Variants in WBP2NL observed in about 807,000 individuals in gnomAD.
The protein encoded by WBP2NL is WBP2 N-terminal like, also known as postacrosomal sheath WW domain-binding protein.
Under a neutral mutation model 23.3 loss-of-function variants are expected in WBP2NL, and 27 were observed. The observed-to-expected ratio is 1.16, with a 90% CI of 0.85 to 1.60. The LOEUF (loss-of-function observed/expected upper bound fraction) is 1.60, where lower values mean the gene tolerates loss of function less well. Among genes scored for constraint, WBP2NL ranks in the 40% most tolerant of loss-of-function variants. The pLI, the probability that WBP2NL is intolerant of heterozygous loss-of-function variation, is 0.00. For missense variants in WBP2NL, 370 were observed against 389.5 expected, an observed-to-expected ratio of 0.95 and a Z score of 0.42; for synonymous variants, 151 against 145.9, an observed-to-expected ratio of 1.03 and a Z score of -0.25.
Position 42,022,451 on chromosome 22 carries a change from G to C in WBP2NL, c.514+95G>C. The C allele has an allele frequency of 2.7e-6, 3 of 1,131,026 alleles. No individual in the cohort carries two copies. The South Asian group carries it at 4.5e-5, about 17-fold the overall frequency. 70.1% of individuals were successfully genotyped at this position (1,131,026 alleles called of 1,614,324 possible). ...TGCAGGCTTGCTCCCTGCAGGAGCA[G>C]CAGCAGAGCTTTAGGGGCTTGGAAA... On this transcript the variant is annotated intron_variant, in intron 5 of 5. Transcript: ENST00000328823.
intron 4 of WBP2NL, among the ~76,000 whole-genome samples, chr22:42,020,903 T>C (rs1923900039): frequency 1.7e-5 from 1 of 58,856 alleles, no homozygotes; most frequent in Non-Finnish European, 3.3e-5. Context: ...TATATATATA[T>C]ATATATTTTT....
intron 5 of WBP2NL, among the ~76,000 whole-genome samples, chr22:42,024,803 C>CTT (rs133345): frequency 1.6e-5 from 2 of 124,882 alleles, no homozygotes; most frequent in Non-Finnish European, 3.4e-5. Context: ...TTGATAATGA[C>CTT]TTTTTTTTTT....
chr22:42,005,252 G>A (rs1198694715), intron 1 of WBP2NL, among the ~76,000 whole-genome samples: 4 of 151,800 alleles, frequency 2.6e-5, no homozygotes, highest in East Asian at 3.9e-4. Flanking sequence ...GGTGGCTCAC[G>A]CCTGTAATCC....
rs557239320 is a variant in WBP2NL, at chr22:42,003,570, A to G, written c.62+4690A>G. 6 of 152,334 alleles carry G rather than the reference A, an allele frequency of 3.9e-5. No homozygotes were observed. In the South Asian group the frequency reaches 1.2e-3, roughly 32 times the overall value. 9.4% of individuals were successfully genotyped at this position (152,334 alleles called of 1,614,324 possible). On this transcript the variant is annotated intron_variant, in intron 1 of 5. Transcript: ENST00000328823. ...AAAAAAGAAAAATCCGAATAAAGCAAGTTTGTACTTTGTATACAAATAAAA... is the reference window on the plus strand; with the variant it reads ...AAAAAAGAAAAATCCGAATAAAGCAGGTTTGTACTTTGTATACAAATAAAA...
In WBP2NL at chr22:42,019,322, G is replaced by A. The variant is rs137953119; in HGVS notation, c.74G>A (p.Arg25Gln). ...LIPNGESLLKRSPNVELSFPQ... is the reference protein window; with the variant it reads ...LIPNGESLLKQSPNVELSFPQ... ...CTCATTTTCTACAGTCTCTTGAAGC[G>A]GTCTCCGAATGTGGAGCTCTCCTTC... The change falls in exon 2 of 6, where the codon CGG becomes CAG. Residue 25 changes from arginine to glutamine, a missense_variant. Arg to Gln is a conservative substitution (Grantham distance 43). Coordinates refer to ENST00000328823, the MANE Select transcript of WBP2NL (RefSeq NM_152613.3). The A allele has an allele frequency of 2.9e-4, 471 of 1,613,772 alleles. No individual in the cohort carries two copies. Among genetic ancestry groups the A allele is most frequent in the Admixed American group, 9.3e-4 (56 of 59,942 alleles).
chr22:42,003,158 CA>C (rs133311), intron 1 of WBP2NL: 42,339 of 139,906 alleles, frequency 0.3, 6,420 homozygotes, highest in Admixed American at 0.38. Flanking sequence ...AACTCCATCT[CA>C]AAAAAAAAAA....
chr22:42,019,002 C>T (rs1325296845), intron 1 of WBP2NL, among the ~76,000 whole-genome samples: 1 of 150,994 alleles, frequency 6.6e-6, no homozygotes, highest in East Asian at 1.9e-4. Context: ...GCGGGCGGAT[C>T]ACAAGGTCAG....
chr22:42,004,814 C>T (rs1005053228), intron 1 of WBP2NL, among the ~76,000 whole-genome samples: 1 of 152,070 alleles, frequency 6.6e-6, no homozygotes, highest in Non-Finnish European at 1.5e-5. Context: ...ATCCCAACTA[C>T]TCGGGAGGCC....
chr22:42,016,096 C>T (rs1456623117), intron 1 of WBP2NL, among the ~76,000 whole-genome samples: 1 of 152,086 alleles, frequency 6.6e-6, no homozygotes, highest in Non-Finnish European at 1.5e-5. Context: ...ATTCTCCTGC[C>T]TCAGCCTCCC....
In WBP2NL at chr22:42,057,889, A is replaced by G. The variant is rs1569456225; in HGVS notation, c.*274-401A>G. ...TGTATGTATATATATATATATATAT[A>G]TATATATATATATTTTTTTTTTTTT... On this transcript the variant is annotated intron_variant and NMD_transcript_variant, in intron 8 of 8. Transcript: ENST00000436265. 2.2e-3 allele frequency among the ~76,000 whole-genome samples: 45 copies of G among 20,348 alleles called. 1 individual carries two copies. Among genetic ancestry groups the G allele is most frequent in the African/African-American group, 8.6e-3 (44 of 5,110 alleles). 13.3% of individuals were successfully genotyped at this position (20,348 alleles called of 152,430 possible).
At chr22:42,053,097 G>A (rs750772052) in intron 8 of WBP2NL, among the ~76,000 whole-genome samples, 12 of 152,172 alleles carry the variant, frequency 7.9e-5, no homozygotes, top group African/African-American at 1.2e-4. Flanking sequence ...TACAATGCAT[G>A]TACTTTTGTG....
At chr22:42,008,096 CCTTTCCTTTCCTTTCCTTTCCTTTG>C (rs768754673) in intron 1 of WBP2NL, among the ~76,000 whole-genome samples, 5,698 of 125,816 alleles carry the variant, frequency 0.045, 235 homozygotes, top group Non-Finnish European at 0.071. Context: ...CTCTTCCTTT[CCTTTCCTTTCCTTTCCTTTCCTTTG>C]CTTTCCTTTC....
chr22:42,028,182 T>C lies in WBP2NL; in HGVS notation c.*1001T>C. ...GGAAATATATGAATAGGCTATGGTA[T>C]GCCCATACTACGTATGCAGAAATTT... On this transcript the variant is annotated 3_prime_UTR_variant, in exon 6 of 6. Transcript: ENST00000328823. The C allele has an allele frequency of 2.5e-6, 1 of 398,100 alleles. No individual in the cohort carries two copies. The allele number at this position is 398,100 out of a possible 1,614,324, so 24.7% of individuals were successfully genotyped here.
chr22:42,009,403 A>G (rs1922601770), intron 1 of WBP2NL, among the ~76,000 whole-genome samples: 2 of 152,108 alleles, frequency 1.3e-5, no homozygotes, highest in Admixed American at 1.3e-4. Context: ...AATGTCACGA[A>G]GATTTTCAGT....
At chr22:42,039,951 C>T (rs1367493924) in intron 8 of WBP2NL, among the ~76,000 whole-genome samples, 2 of 148,746 alleles carry the variant, frequency 1.3e-5, no homozygotes, top group Admixed American at 6.7e-5. Flanking sequence ...TGTTTTGTTA[C>T]CCAGAGCTGG....
rs537599590 is a variant in WBP2NL, at chr22:42,026,915, C to G, written c.664C>G (p.Leu222Val). The G allele has an allele frequency of 6.2e-7, 1 of 1,611,194 alleles. No individual in the cohort carries two copies. The highest frequency in any genetic ancestry group is 8.5e-7 in the Non-Finnish European group (1 of 1,179,264). Residue 222 changes from leucine to valine, a missense_variant, in exon 6 of 6, where the codon CTT becomes GTT. By Grantham distance (32) the Leu-to-Val change is conservative. Coordinates refer to ENST00000328823, the MANE Select transcript of WBP2NL (RefSeq NM_152613.3). ...ACCTGTGCGATATGGAGCCCCACCT[C>G]TTGGATACGGAGCCCCACCTGCAGG... The part of the protein sequence containing the change: ...ASPVRYGAPP[L>V]GYGAPPAGYG...
Position 41,998,837 on chromosome 22 carries a change from CA to C in WBP2NL, c.20del (p.His7ProfsTer17). On this transcript the variant is annotated frameshift_variant, in exon 1 of 6. Coordinates refer to ENST00000328823, the MANE Select transcript of WBP2NL (RefSeq NM_152613.3). LOFTEE classifies it high-confidence loss of function. Reference protein sequence around the residue: MAVNQSHTENRRGALIP... With the variant: MAVNQSXTENRRGALIP... ...AAGCAAGATGGCGGTGAATCAGAGC[CA>C]CACCGAGAACCGCCGCGGAGCCCTC... The C allele has an allele frequency of 6.2e-7, 1 of 1,612,144 alleles. No homozygotes were observed. Among genetic ancestry groups the C allele is most frequent in the African/African-American group, 1.3e-5 (1 of 74,900 alleles).
downstream of WBP2NL, among the ~76,000 whole-genome samples, chr22:42,037,789 AATTC>A (rs997650992): frequency 2.0e-5 from 3 of 151,478 alleles, no homozygotes; most frequent in Non-Finnish European, 4.4e-5. Flanking sequence ...GAAACTACGG[AATTC>A]ATTCATTAGT....
Position 42,027,890 on chromosome 22 carries a change from C to T in WBP2NL, c.*709C>T, listed in dbSNP as rs531691937. 35 of 398,126 alleles carry T rather than the reference C, an allele frequency of 8.8e-5. No homozygotes were observed. The highest frequency in any genetic ancestry group is 1.3e-4 in the Non-Finnish European group (29 of 225,944). The allele number at this position is 398,126 out of a possible 1,614,324, so 24.7% of individuals were successfully genotyped here. Reference sequence around the variant, plus strand: ...CCAAAATGACAGAAATATGAATTGCCGAATAACCAAGGCAATAGCATGGCC... The same window carrying T: ...CCAAAATGACAGAAATATGAATTGCTGAATAACCAAGGCAATAGCATGGCC... On this transcript the variant is annotated 3_prime_UTR_variant, in exon 6 of 6. Transcript: ENST00000328823.
Sources: gnomAD v4.1 joint callset for allele counts (sites outside exome capture counted in the v4.1 genomes callset) on GRCh38, gnomAD v4.1.1 for gene constraint, MANE v1.5 for transcripts, NCBI Gene and HGNC (gene_info 2026-07-23, HGNC 2026-07-21) for gene names.